Variants in MAMDC4 observed in about 807,000 individuals in gnomAD.
MAMDC4 encodes MAM domain containing 4.
Under a neutral mutation model 153.3 loss-of-function variants are expected in MAMDC4, and 168 were observed. The ratio of observed to expected loss-of-function variants is 1.10; its 90% confidence interval spans 0.97 to 1.25. MAMDC4 has a LOEUF of 1.25. Ranked by LOEUF, MAMDC4 falls within the 50% of genes most tolerant of loss-of-function variation. The pLI, the probability that MAMDC4 is intolerant of heterozygous loss-of-function variation, is 0.00. For synonymous variants in MAMDC4, 744 were observed against 651.5 expected (o/e 1.14, Z -2.16); for missense variants, 1,701 against 1,542.8 (o/e 1.10, Z -1.72).
Position 136,859,009 on chromosome 9 carries a change from G to T in MAMDC4, c.2961G>T (p.Lys987Asn). 1 of 1,525,318 alleles carries T rather than the reference G, an allele frequency of 6.6e-7. No individual in the cohort carries two copies. The highest frequency in any genetic ancestry group is 8.8e-7 in the Non-Finnish European group (1 of 1,132,556). 94.5% of individuals were successfully genotyped at this position (1,525,318 alleles called of 1,614,324 possible). The change falls in exon 24 of 27, where the codon AAG becomes AAT. Residue 987 changes from lysine to asparagine, a missense_variant. Physicochemically the swap from Lys to Asn is moderately conservative, Grantham distance 94. Transcript: ENST00000317446. ...ACGCCCTGGCCCTGCTCTCAGACAA[G>T]GGGGAGCTGAAGGTACTGCTGCACA... ...YHMGFPEHFY[K>N]GELKVLLHSA...
Position 136,859,037 on chromosome 9 carries a change from G to A in MAMDC4, c.2989G>A (p.Ala997Thr), listed in dbSNP as rs1849048683. 6.4e-6 allele frequency: 10 copies of A among 1,553,030 alleles called. No individual in the cohort carries two copies. Among genetic ancestry groups the A allele is most frequent in the Non-Finnish European group, 8.7e-6 (10 of 1,147,876 alleles). Residue 997 changes from alanine to threonine, a missense_variant, in exon 24 of 27, where the codon GCT (alanine) becomes ACT (threonine). Transcript: ENST00000317446. ...GGAGCTGAAGGTACTGCTGCACAGT[G>A]CTCAGGGCCAGCTGGCTGTGTGGGG... Reference protein sequence around the residue: ...KGELKVLLHSAQGQLAVWGAG... With the variant: ...KGELKVLLHSTQGQLAVWGAG...
intron 25 of MAMDC4, chr9:136,859,671 G>T (rs1264064822): frequency 4.9e-6 from 3 of 606,894 alleles, no homozygotes; most frequent in South Asian, 4.0e-5. Flanking sequence ...AAAGAATCTC[G>T]CCTGGGGCCA....
In MAMDC4 at chr9:136,855,353, TCTGCCCTACC is replaced by T. The variant is rs1315986402; in HGVS notation, c.1282+21_1282+30del. 6.2e-7 allele frequency: 1 copy of T among 1,601,662 alleles called. No individual in the cohort carries two copies. Among genetic ancestry groups the T allele is most frequent in the Non-Finnish European group, 8.5e-7 (1 of 1,173,532 alleles). ...ACCAGTCTCGGGTGAGCCTGCTGAC[TCTGCCCTACC>T]CTGCCTTGCCCTGGAGAGGCACAGC... On this transcript the variant is annotated intron_variant, in intron 11 of 26. Coordinates refer to ENST00000317446, the MANE Select transcript of MAMDC4 (RefSeq NM_206920.3).
chr9:136,856,995 C>T lies in MAMDC4; in HGVS notation c.1926C>T (p.Pro642=), dbSNP rs111426988. Residue 642 remains proline, a synonymous_variant, in exon 16 of 27, where the codon CCC becomes CCT. Coordinates refer to ENST00000317446, the MANE Select transcript of MAMDC4 (RefSeq NM_206920.3). The part of the protein sequence containing the change: ...LLSRPQVPAA[P]TECLSFWYHL... ...CCAGGCCCCAGGTGCCAGCAGCACCCACGGAGTGTCTCAGCTTCTGGTACC... is the reference window on the plus strand; with the variant it reads ...CCAGGCCCCAGGTGCCAGCAGCACCTACGGAGTGTCTCAGCTTCTGGTACC... 1 of 1,612,540 alleles carries T rather than the reference C, an allele frequency of 6.2e-7. No homozygotes were observed. Among genetic ancestry groups the T allele is most frequent in the East Asian group, 2.2e-5 (1 of 44,878 alleles).
chr9:136,860,508 C>A, intron 26 of MAMDC4, 54 bp from the exon 27 acceptor site: 1 of 1,563,428 alleles, frequency 6.4e-7, no homozygotes, highest in East Asian at 2.3e-5. Context: ...TTGACAAGAG[C>A]GAAACTCCGT....
chr9:136,859,979 G>T lies in MAMDC4; in HGVS notation c.3287G>T (p.Arg1096Leu), dbSNP rs146286617. 1 of 1,612,778 alleles carries T rather than the reference G, an allele frequency of 6.2e-7. No individual in the cohort carries two copies. The highest frequency in any genetic ancestry group is 2.2e-5 in the East Asian group (1 of 44,882). ...GTGCTGCTGGGACTTGGGGGACGGC[G>T]CTGGCTGCAGAAGAAGGGGAGCTGC... The part of the protein sequence containing the change: ...LLVLLGLGGR[R>L]WLQKKGSCPF... Residue 1096 changes from arginine (R) to leucine (L), a missense_variant, in exon 26 of 27, where the codon CGC becomes CTC. By Grantham distance (102) the Arg-to-Leu change is moderately radical. Transcript: ENST00000317446.
chr9:136,854,427 T>C, intron 7 of MAMDC4, 91 bp downstream of exon 7: 1 of 1,501,750 alleles, frequency 6.7e-7, no homozygotes, highest in Non-Finnish European at 8.9e-7. Flanking sequence ...GTGCCTTGGA[T>C]CCTTGGATGG....
In MAMDC4 at chr9:136,855,352, C is replaced by G; in HGVS notation, c.1282+14C>G. On this transcript the variant is annotated intron_variant, in intron 11 of 26. Transcript: ENST00000317446. ...GACCAGTCTCGGGTGAGCCTGCTGA[C>G]TCTGCCCTACCCTGCCTTGCCCTGG... The G allele has an allele frequency of 6.2e-7, 1 of 1,601,668 alleles. No homozygotes were observed. The highest frequency in any genetic ancestry group is 8.5e-7 in the Non-Finnish European group (1 of 1,173,510).
At chr9:136,853,069 C>T in intron 1 of MAMDC4, 33 bp from the exon 2 acceptor site, 1 of 1,596,396 alleles carries the variant, frequency 6.3e-7, no homozygotes, top group South Asian at 1.1e-5. Flanking sequence ...GTCACCCTGC[C>T]CCCAGGCCAC....
Position 136,854,687 on chromosome 9 carries a change from C to G in MAMDC4, c.934+11C>G. 2 of 1,611,238 alleles carry G rather than the reference C, an allele frequency of 1.2e-6. No individual in the cohort carries two copies. The highest frequency in any genetic ancestry group is 1.3e-5 in the African/African-American group (1 of 75,018). ...GGAACAGTGCACAGGGTGAGGCCCACAGAGGACCCGGCCCAGGCCCTGCCC... is the reference window on the plus strand; with the variant it reads ...GGAACAGTGCACAGGGTGAGGCCCAGAGAGGACCCGGCCCAGGCCCTGCCC... On this transcript the variant is annotated intron_variant, in intron 8 of 26. Coordinates refer to ENST00000317446, the MANE Select transcript of MAMDC4 (RefSeq NM_206920.3).
At chr9:136,852,529 T>C in intron 1 of MAMDC4, 67 bp downstream of exon 1, 1 of 1,574,310 alleles carries the variant, frequency 6.4e-7, no homozygotes, top group Non-Finnish European at 8.7e-7. Context: ...ACCATCTGTG[T>C]GGCAGTGACG....
intron 9 of MAMDC4, 22 bp from the exon 10 acceptor site, chr9:136,854,915 C>T (rs1848981022): frequency 3.1e-6 from 5 of 1,612,378 alleles, no homozygotes; most frequent in Non-Finnish European, 4.2e-6. Context: ...TGCAGGCCCC[C>T]AGCCAGCTCT....
Position 136,859,880 on chromosome 9 carries a change from CCACAGGGAA to C in MAMDC4, c.3194_3202del (p.Gly1065_Thr1067del). 1 of 1,611,340 alleles carries C rather than the reference CCACAGGGAA, an allele frequency of 6.2e-7. No individual in the cohort carries two copies. Among genetic ancestry groups the C allele is most frequent in the African/African-American group, 1.3e-5 (1 of 74,996 alleles). On this transcript the variant is annotated splice_acceptor_variant and splice_polypyrimidine_tract_variant and coding_sequence_variant and intron_variant, in exon 26 of 27. Coordinates refer to ENST00000317446, the MANE Select transcript of MAMDC4 (RefSeq NM_206920.3). LOFTEE classifies it high-confidence loss of function. ...TGGAGGGCTCACATGTCCCTATGGC[CCACAGGGAA>C]CACAGCCGCACCCGGGTCTGTGCCA...
rs1450132937 is a variant in MAMDC4, at chr9:136,855,050, G to T, written c.1137G>T (p.Gly379=). 1 of 1,606,598 alleles carries T rather than the reference G, an allele frequency of 6.2e-7. No individual in the cohort carries two copies. The highest frequency in any genetic ancestry group is 1.3e-5 in the African/African-American group (1 of 74,644). Residue 379 remains glycine (G), a synonymous_variant, in exon 10 of 27, where the codon GGG becomes GGT. Transcript: ENST00000317446. ...RAPVLLRRRR[G]ELGTAWVRDR... ...CCGTCCTGCTGCGGAGGCGCCGAGG[G>T]GAGCTGGGGACCGCCTGGGTCCGAG...
At position 136,853,660 on chromosome 9, in the gene MAMDC4, G is replaced by A. The variant is rs752981485; in HGVS notation, c.444G>A (p.Ala148=). 113 of 1,611,506 alleles carry A rather than the reference G, an allele frequency of 7.0e-5. No individual in the cohort carries two copies. Among genetic ancestry groups the A allele is most frequent in the Middle Eastern group, 1.6e-4 (1 of 6,082 alleles). Residue 148 remains alanine (A), a synonymous_variant, in exon 4 of 27, where the codon GCG becomes GCA. Transcript: ENST00000317446. ...GCAAGCTGAGGCTCTGGTACCACGC[G>A]GCCTCTGGAGGTGCACCCTGGACCC... ...SSCKLRLWYH[A]ASGDVAELRV...
At position 136,857,643 on chromosome 9, in the gene MAMDC4, A is replaced by G. The variant is rs375520268; in HGVS notation, c.2327-16A>G. The G allele has an allele frequency of 9.3e-6, 15 of 1,612,272 alleles. No homozygotes were observed. Among genetic ancestry groups the G allele is most frequent in the Non-Finnish European group, 1.0e-5 (12 of 1,179,806 alleles). On this transcript the variant is annotated splice_polypyrimidine_tract_variant and intron_variant, in intron 18 of 26. Transcript: ENST00000317446. ...GGGCTGGCCAGGGGCTGGCAGGCTG[A>G]TGCTGGCACCTCCAGGGCACTACAT...
At position 136,858,536 on chromosome 9, in the gene MAMDC4, C is replaced by A. The variant is rs1849041802; in HGVS notation, c.2811C>A (p.Gly937=). 6.3e-7 allele frequency: 1 copy of A among 1,582,806 alleles called. No individual in the cohort carries two copies. ...YPQPPVDHTL[G]TEAGHFAFFE... is the part of the protein sequence containing the mutation. ...AGCCCCCTGTGGACCACACCCTGGG[C>A]ACAGAGGCAGGTACGTGCCCACTGG... The change falls in exon 22 of 27, where the codon GGC becomes GGA. Residue 937 remains glycine (G), a synonymous_variant. Transcript: ENST00000317446.
rs777011176 is a variant in MAMDC4, at chr9:136,855,579, C to A, written c.1431C>A (p.Phe477Leu). The A allele has an allele frequency of 2.5e-6, 4 of 1,590,440 alleles. No individual in the cohort carries two copies. The highest frequency in any genetic ancestry group is 3.4e-6 in the Non-Finnish European group (4 of 1,168,672). Residue 477 changes from phenylalanine (F) to leucine (L), a missense_variant, in exon 12 of 27, where the codon TTC becomes TTA. By Grantham distance (22) the Phe-to-Leu change is conservative. Transcript: ENST00000317446. ...TGCCCCCGGAACAACTGTGTGACTT[C>A]GAGGAGCAGTGCGCAGGGGGCGAGG... The part of the protein sequence containing the change: ...LCVPPEQLCD[F>L]EEQCAGGEDE...
intron 20 of MAMDC4, 23 bp downstream of exon 20, chr9:136,858,120 C>A: frequency 6.6e-7 from 1 of 1,523,688 alleles, no homozygotes; most frequent in Non-Finnish European, 8.8e-7. Flanking sequence ...TGGGGTGCCC[C>A]TCCCCCTCCC....
Sources: gnomAD v4.1 joint callset for allele counts on GRCh38, gnomAD v4.1.1 for gene constraint, MANE v1.5 for transcripts, NCBI Gene and HGNC (gene_info 2026-07-23, HGNC 2026-07-21) for gene names.